The following SH3PXD2A variants were observed in gnomAD, a reference collection of about 807,000 sequenced individuals.
SH3PXD2A encodes the protein SH3 and PX domain-containing protein 2A.
In SH3PXD2A, 32 loss-of-function variants were observed where a neutral mutation model predicts 115.2. The ratio of observed to expected loss-of-function variants is 0.28; its 90% CI spans 0.21 to 0.37. SH3PXD2A has a LOEUF of 0.37. Ranked by LOEUF, SH3PXD2A falls within the 10% of genes least tolerant of loss-of-function variation. The pLI, the probability that SH3PXD2A is intolerant of heterozygous loss-of-function variation, is 1.00. For synonymous variants in SH3PXD2A, 610 were observed against 629.1 expected (o/e 0.97, Z 0.45); for missense variants, 1,328 against 1,498.7 (o/e 0.89, Z 1.88).
intron 9 of SH3PXD2A, among the ~76,000 whole-genome samples, chr10:103,623,581 ATTTGCTTTCCTG>A (rs1347116240): frequency 2.0e-5 from 3 of 152,138 alleles, no homozygotes; most frequent in East Asian, 3.9e-4. Context: ...CTGGGAAAGC[ATTTGCTTTCCTG>A]GAAGAAGAGG....
intron 5 of SH3PXD2A, among the ~76,000 whole-genome samples, chr10:103,698,771 C>T (rs370440269): frequency 3.3e-5 from 5 of 152,122 alleles, no homozygotes; most frequent in East Asian, 1.9e-4. Context: ...AGACAATCCA[C>T]GCTGAGAATT....
rs762690039 is a variant in SH3PXD2A at position 103,603,019 on chromosome 10, C to A, written c.2199G>T (p.Lys733Asn). Residue 733 changes from lysine to asparagine, a missense_variant, in exon 15 of 15, where the codon AAG (lysine) becomes AAT (asparagine). This residue lies in a region of SH3PXD2A where 574 missense variants were observed against 565.7 expected (regional missense o/e 1.01). Coordinates refer to ENST00000369774, the MANE Select transcript of SH3PXD2A (RefSeq NM_001394015.1). ...CATCAGCATCCTTCTTTGCCCTGAC[C>A]TTGGGAGTGCCGCGGATGCCTGCGT... The part of the protein sequence containing the change: ...ASDAGIRGTP[K>N]VRAKKDADAN... 1.2e-6 allele frequency: 2 copies of A among 1,614,142 alleles called. No homozygotes were observed. The highest frequency in any genetic ancestry group is 1.7e-6 in the Non-Finnish European group (2 of 1,180,046).
intron 5 of SH3PXD2A, among the ~76,000 whole-genome samples, chr10:103,713,523 C>T (rs896831948): frequency 1.3e-5 from 2 of 152,182 alleles, no homozygotes; most frequent in Non-Finnish European, 2.9e-5. Context: ...TCTTTCAATC[C>T]TTGAAACACA....
intron 8 of SH3PXD2A, among the ~76,000 whole-genome samples, chr10:103,657,343 T>C (rs1326935064): frequency 6.6e-6 from 1 of 152,198 alleles, no homozygotes; most frequent in Admixed American, 6.5e-5. Flanking sequence ...ACCAGGACCC[T>C]GATGTCACCA....
At chr10:103,639,158 G>T (rs2036911479) in intron 8 of SH3PXD2A, among the ~76,000 whole-genome samples, 1 of 152,124 alleles carries the variant, frequency 6.6e-6, no homozygotes, top group South Asian at 2.1e-4. Flanking sequence ...ACATGGCGGT[G>T]GGTGATACAA....
At chr10:103,727,701 G>A (rs548122133) in intron 4 of SH3PXD2A, among the ~76,000 whole-genome samples, 4 of 152,236 alleles carry the variant, frequency 2.6e-5, no homozygotes, top group South Asian at 2.1e-4. Context: ...CCCACATTCC[G>A]GAGGCAGAGG....
intron 3 of SH3PXD2A, among the ~76,000 whole-genome samples, chr10:103,753,495 CAA>C (rs58148179): frequency 0.13 from 8,646 of 65,078 alleles, 195 homozygotes; most frequent in South Asian, 0.2. Flanking sequence ...GACCCCATCT[CAA>C]AAAAAAAAAA....
At chr10:103,730,246 T>C (rs1279257068) in intron 4 of SH3PXD2A, among the ~76,000 whole-genome samples, 1 of 150,786 alleles carries the variant, frequency 6.6e-6, no homozygotes, top group Non-Finnish European at 1.5e-5. Flanking sequence ...TTTTTTTTTT[T>C]TTTTTGCTCC....
At position 103,598,574 on chromosome 10, in the gene SH3PXD2A, C is replaced by T. The variant is rs941355274; in HGVS notation, c.*3242G>A. 6.5e-6 allele frequency: 1 copy of T among 152,752 alleles called. No individual in the cohort carries two copies. The highest frequency in any genetic ancestry group is 3.4e-3 in the Middle Eastern group (1 of 296). 9.5% of individuals were successfully genotyped at this position (152,752 alleles called of 1,614,324 possible). Reference sequence around the variant, plus strand: ...TACAGTGTCGTTTCACATTTTCAGTCGCAACTCATGGGAAACTAGGTTTGG... The same window carrying T: ...TACAGTGTCGTTTCACATTTTCAGTTGCAACTCATGGGAAACTAGGTTTGG... On this transcript the variant is annotated 3_prime_UTR_variant, in exon 15 of 15. Coordinates refer to ENST00000369774, the MANE Select transcript of SH3PXD2A (RefSeq NM_001394015.1).
At chr10:103,618,993 A>T (rs1276676797) in intron 10 of SH3PXD2A, among the ~76,000 whole-genome samples, 1 of 152,232 alleles carries the variant, frequency 6.6e-6, no homozygotes, top group East Asian at 1.9e-4. Flanking sequence ...CAGGCTGTGA[A>T]GACAGAACTG....
chr10:103,661,543 C>T (rs2037303387), intron 7 of SH3PXD2A: 4 of 602,466 alleles, frequency 6.6e-6, no homozygotes, highest in African/African-American at 2.0e-5. Context: ...GGGAGGGCGG[C>T]GAGCCAGCGG....
intron 13 of SH3PXD2A, among the ~76,000 whole-genome samples, chr10:103,608,150 T>TAC (rs2036356457): frequency 3.1e-5 from 1 of 32,670 alleles, no homozygotes; most frequent in Admixed American, 4.1e-4. Flanking sequence ...ATGATCAATT[T>TAC]AAAAAAAAAA....
intron 4 of SH3PXD2A, among the ~76,000 whole-genome samples, chr10:103,728,547 T>A (rs142485236): frequency 6.6e-6 from 1 of 152,224 alleles, no homozygotes; most frequent in Admixed American, 6.5e-5. Flanking sequence ...GTATGTCTCA[T>A]GGAAGAACTC....
intron 2 of SH3PXD2A, among the ~76,000 whole-genome samples, chr10:103,789,397 G>A (rs533931942): frequency 1.3e-5 from 2 of 152,236 alleles, no homozygotes; most frequent in Non-Finnish European, 2.9e-5. Context: ...TTCCCCTTAG[G>A]GTCCCCAGCA....
chr10:103,823,988 G>C (rs2039405534), intron 1 of SH3PXD2A, among the ~76,000 whole-genome samples: 2 of 152,224 alleles, frequency 1.3e-5, no homozygotes, highest in Admixed American at 1.3e-4. Context: ...AGTGTCCCCT[G>C]AGATGTGTCC....
At chr10:103,736,924 G>T in intron 3 of SH3PXD2A, 1 of 524,162 alleles carries the variant, frequency 1.9e-6, no homozygotes, top group Non-Finnish European at 3.4e-6. Context: ...AGCCTAGTCA[G>T]CCAGAGTCAC....
At chr10:103,609,031 C>T (rs2036382865) in intron 13 of SH3PXD2A, 1 of 152,040 alleles carries the variant, frequency 6.6e-6, no homozygotes, top group Non-Finnish European at 1.5e-5. Flanking sequence ...TGTTATGCAC[C>T]TGTGGTCCCA....
chr10:103,691,873 A>G (rs988207788), intron 6 of SH3PXD2A, among the ~76,000 whole-genome samples: 13 of 152,150 alleles, frequency 8.5e-5, no homozygotes, highest in African/African-American at 2.9e-4. Flanking sequence ...AAACCAGGAC[A>G]CAACTTTCCC....
chr10:103,606,586 A>G (rs1450246926), intron 13 of SH3PXD2A, among the ~76,000 whole-genome samples: 1 of 149,460 alleles, frequency 6.7e-6, no homozygotes, highest in Non-Finnish European at 1.5e-5. Context: ...GCTCACTGCA[A>G]CCTCCCTGCC....
Sources: gnomAD v4.1 joint callset for allele counts (sites outside exome capture counted in the v4.1 genomes callset) on GRCh38, gnomAD v4.1.1 for gene constraint, gnomAD v4.1.1 regional missense constraint, MANE v1.5 for transcripts, NCBI Gene and HGNC (gene_info 2026-07-23, HGNC 2026-07-21) for gene names.